The following INTS9 variants were observed in gnomAD, a reference collection of about 807,000 sequenced individuals.
INTS9 encodes the protein integrator complex subunit 9, also known as protein related to CPSF subunits of 74 kDa.
A neutral mutation model predicts 79.7 loss-of-function variants in INTS9; 55 were observed. The observed-to-expected ratio is 0.69, with a 90% CI of 0.56 to 0.86. The LOEUF is 0.86. Among genes scored for constraint, INTS9 ranks in the 40% least tolerant of loss-of-function variants. The pLI, the probability that INTS9 is intolerant of heterozygous loss-of-function variation, is 0.00. For missense variants in INTS9, 721 were observed against 831.5 expected, an observed-to-expected ratio of 0.87 and a Z score of 1.64; for synonymous variants, 319 against 325.2, an observed-to-expected ratio of 0.98 and a Z score of 0.20.
chr8:28,837,693 C>G lies in INTS9; in HGVS notation c.345G>C (p.Glu115Asp). ...ACACTGTGCCTGTGAAGCCGGTGTG[C>G]TCGGTGATGTATGGCAGCGCCATCA... ...HCMMALPYIT[E>D]HTGFTGTVYA... Residue 115 changes from glutamate to aspartate, a missense_variant, in exon 5 of 17, where the codon GAG becomes GAC. Physicochemically the swap from Glu to Asp is conservative, Grantham distance 45. This residue lies in a region of INTS9 where 291 missense variants were observed against 307.0 expected (regional missense o/e 0.95). Coordinates refer to ENST00000521022, the MANE Select transcript of INTS9 (RefSeq NM_018250.4). The G allele has an allele frequency of 6.2e-7, 1 of 1,613,938 alleles. No individual in the cohort carries two copies. Among genetic ancestry groups the G allele is most frequent in the Non-Finnish European group, 8.5e-7 (1 of 1,180,002 alleles).
chr8:28,854,070 C>T (rs1417948124), intron 2 of INTS9, among the ~76,000 whole-genome samples: 1 of 152,036 alleles, frequency 6.6e-6, no homozygotes, highest in East Asian at 1.9e-4. Context: ...CTCTGTCACC[C>T]AAGCTGGAAA....
At chr8:28,793,590 C>T (rs958992533) in intron 10 of INTS9, 6 of 448,260 alleles carry the variant, frequency 1.3e-5, no homozygotes, top group African/African-American at 1.2e-4. Flanking sequence ...TAAGGTAAGT[C>T]TCTGCCTTGC....
chr8:28,821,510 C>T (rs565266059), intron 6 of INTS9, among the ~76,000 whole-genome samples: 13 of 152,118 alleles, frequency 8.5e-5, no homozygotes, highest in Non-Finnish European at 1.5e-4. Flanking sequence ...TGGGTGGGGA[C>T]GCAGGCAAAC....
chr8:28,804,225 C>T (rs1361457236), intron 8 of INTS9, among the ~76,000 whole-genome samples: 3 of 152,140 alleles, frequency 2.0e-5, no homozygotes, highest in Non-Finnish European at 2.9e-5. Flanking sequence ...TATGCTCTGC[C>T]ACACTCCCAG....
chr8:28,888,722 A>G (rs1810329525), intron 1 of INTS9, among the ~76,000 whole-genome samples: 1 of 152,158 alleles, frequency 6.6e-6, no homozygotes, highest in African/African-American at 2.4e-5. Context: ...TTCCCCTTAT[A>G]TAAACAGATT....
chr8:28,781,967 G>A (rs949626634), intron 11 of INTS9, among the ~76,000 whole-genome samples: 14 of 152,184 alleles, frequency 9.2e-5, no homozygotes, highest in Admixed American at 3.9e-4. Flanking sequence ...TTCATCAGCC[G>A]TAGCAAACGC....
At chr8:28,884,558 A>C (rs1332617118) in intron 1 of INTS9, among the ~76,000 whole-genome samples, 1 of 152,214 alleles carries the variant, frequency 6.6e-6, no homozygotes, top group East Asian at 1.9e-4. Flanking sequence ...TGAAATGCCT[A>C]AGAGTAAAAT....
intron 15 of INTS9, 67 bp from the exon 16 acceptor site, chr8:28,770,093 A>C: frequency 6.4e-7 from 1 of 1,569,680 alleles, no homozygotes; most frequent in Non-Finnish European, 8.6e-7. Flanking sequence ...CGCAGGCCAC[A>C]CTGAGAGCCT....
chr8:28,860,928 C>T (rs759685065), intron 1 of INTS9, among the ~76,000 whole-genome samples: 20 of 152,194 alleles, frequency 1.3e-4, no homozygotes, highest in Non-Finnish European at 2.6e-4. Context: ...GAATTTTCCA[C>T]TTTTCTCCAG....
chr8:28,868,613 G>A (rs1808892431), intron 1 of INTS9, among the ~76,000 whole-genome samples: 3 of 152,128 alleles, frequency 2.0e-5, no homozygotes, highest in Admixed American at 1.3e-4. Flanking sequence ...ATTGATGTTA[G>A]CCTGAATGAA....
At chr8:28,787,738 A>G (rs1803695551) in intron 11 of INTS9, 91 bp downstream of exon 11, 2 of 857,948 alleles carry the variant, frequency 2.3e-6, no homozygotes, top group East Asian at 5.0e-5. Context: ...TTTACACAGC[A>G]ATCTATTTCA....
chr8:28,768,214 A>C lies in INTS9; in HGVS notation c.1909T>G (p.Cys637Gly). 2 of 1,614,224 alleles carry C rather than the reference A, an allele frequency of 1.2e-6. No homozygotes were observed. The highest frequency in any genetic ancestry group is 1.7e-6 in the Non-Finnish European group (2 of 1,180,044). The change falls in exon 17 of 17, where the codon TGC becomes GGC. Residue 637 changes from cysteine (C) to glycine (G), a missense_variant. By Grantham distance (159) the Cys-to-Gly change is radical. Coordinates refer to ENST00000521022, the MANE Select transcript of INTS9 (RefSeq NM_018250.4). ...QIEEDSTHII[C>G]DNDEMLRVRL... is the part of the protein sequence containing the mutation. Reference sequence around the variant, plus strand: ...ACTCTGAGCATCTCGTCATTGTCGCAGATGATATGGGTCGAGTCTTCTTCA... The same window carrying C: ...ACTCTGAGCATCTCGTCATTGTCGCCGATGATATGGGTCGAGTCTTCTTCA...
chr8:28,823,757 TAACTC>T (rs141873399), intron 6 of INTS9, among the ~76,000 whole-genome samples: 13,465 of 152,006 alleles, frequency 0.089, 781 homozygotes, highest in East Asian at 0.27. Flanking sequence ...ACAAGGTAAT[TAACTC>T]AAGGGAAAAC....
intron 1 of INTS9, among the ~76,000 whole-genome samples, chr8:28,868,313 G>T (rs1808876261): frequency 6.6e-6 from 1 of 152,162 alleles, no homozygotes; most frequent in Non-Finnish European, 1.5e-5. Context: ...ACAGTGAGAA[G>T]ATTCTCTTAC....
In INTS9 at chr8:28,841,867, C is replaced by A. The variant is rs144285160; in HGVS notation, c.262-4091G>T. 3.3e-3 allele frequency among the ~76,000 whole-genome samples: 504 copies of A among 152,250 alleles called. 3 individuals carry two copies. Among genetic ancestry groups the A allele is most frequent in the African/African-American group, 0.012 (478 of 41,546 alleles). The stretch of plus-strand genomic sequence containing the variant: ...TTAGGGGGCTGAGGTGGGAGGACTG[C>A]TTGAGGCCAGGAGTTTGAGACCAGC... On this transcript the variant is annotated intron_variant, in intron 4 of 16. Coordinates refer to ENST00000521022, the MANE Select transcript of INTS9 (RefSeq NM_018250.4).
At chr8:28,882,549 A>G (rs76129522) in intron 1 of INTS9, among the ~76,000 whole-genome samples, 15 of 110,900 alleles carry the variant, frequency 1.4e-4, no homozygotes, top group African/African-American at 3.7e-4. Flanking sequence ...AAAAAAAAAG[A>G]AAAAAAAAAA....
At chr8:28,775,504 T>A (rs1802813679) in intron 14 of INTS9, among the ~76,000 whole-genome samples, 1 of 152,106 alleles carries the variant, frequency 6.6e-6, no homozygotes. Context: ...CCTGGCTACT[T>A]TTTTTGTATT....
At chr8:28,779,175 A>C (rs1389423324) in intron 12 of INTS9, among the ~76,000 whole-genome samples, 1 of 152,190 alleles carries the variant, frequency 6.6e-6, no homozygotes, top group African/African-American at 2.4e-5. Context: ...GCCCCACTAC[A>C]TAGGACATTC....
intron 8 of INTS9, among the ~76,000 whole-genome samples, chr8:28,805,055 A>T (rs1804731624): frequency 6.6e-6 from 1 of 152,234 alleles, no homozygotes; most frequent in African/African-American, 2.4e-5. Context: ...AACCAGGAGT[A>T]AGTAATTTAA....
Sources: allele counts gnomAD v4.1 joint callset (sites outside exome capture counted in the v4.1 genomes callset), GRCh38; gene constraint gnomAD v4.1.1; regional missense constraint gnomAD v4.1.1; transcripts MANE v1.5; gene names NCBI Gene and HGNC (gene_info 2026-07-23, HGNC 2026-07-21).